PKNOX2: variants seen among roughly 807,000 people sequenced by gnomAD.
PKNOX2 encodes PBX/knotted 1 homeobox 2.
A neutral mutation model predicts 53.1 loss-of-function variants in PKNOX2; 14 were observed. That is an observed-to-expected ratio of 0.26 (90% CI 0.17 to 0.41). The LOEUF (loss-of-function observed/expected upper bound fraction) is 0.41, where lower values mean the gene tolerates loss of function less well. PKNOX2 is among the 10% of genes least tolerant of loss of function. PKNOX2 has a pLI of 1.00. For synonymous variants in PKNOX2, 257 were observed against 242.8 expected (o/e 1.06, Z -0.54); for missense variants, 496 against 602.8 (o/e 0.82, Z 1.85).
At chr11:125,429,898 C>A in intron 11 of PKNOX2, 65 bp from the exon 12 acceptor site, 1 of 1,512,330 alleles carries the variant, frequency 6.6e-7, no homozygotes, top group Non-Finnish European at 8.9e-7. Flanking sequence ...GCTTCACCCT[C>A]CCTGCCCCCA....
At chr11:125,185,713 T>G (rs1658401715) in intron 1 of PKNOX2, among the ~76,000 whole-genome samples, 2 of 152,236 alleles carry the variant, frequency 1.3e-5, no homozygotes, top group South Asian at 2.1e-4. Flanking sequence ...ATGAATAATA[T>G]TTCATTGAAT....
chr11:125,360,015 T>G (rs1200070348), intron 4 of PKNOX2, among the ~76,000 whole-genome samples: 1 of 152,100 alleles, frequency 6.6e-6, no homozygotes, highest in African/African-American at 2.4e-5. Context: ...TGAGCCACCA[T>G]GCCCGGTGTA....
intron 1 of PKNOX2, among the ~76,000 whole-genome samples, chr11:125,221,675 T>C (rs1179502678): frequency 6.6e-6 from 1 of 152,218 alleles, no homozygotes; most frequent in East Asian, 1.9e-4. Flanking sequence ...TTTATTATGC[T>C]TCACTGAGCA....
intron 1 of PKNOX2, among the ~76,000 whole-genome samples, chr11:125,202,694 C>G (rs1386553782): frequency 1.4e-5 from 2 of 144,608 alleles, no homozygotes; most frequent in Admixed American, 1.4e-4. Context: ...GGAATGTGCT[C>G]TTAGGGCTCT....
intron 2 of PKNOX2, among the ~76,000 whole-genome samples, chr11:125,268,524 G>C (rs1435580203): frequency 1.3e-5 from 2 of 152,194 alleles, no homozygotes; most frequent in Non-Finnish European, 2.9e-5. Flanking sequence ...TTAATGCTGG[G>C]GTTGGGGCAG....
intron 2 of PKNOX2, among the ~76,000 whole-genome samples, chr11:125,262,423 T>C (rs1236296440): frequency 2.0e-5 from 3 of 151,494 alleles, no homozygotes; most frequent in Non-Finnish European, 4.4e-5. Flanking sequence ...GGTGTTTGCT[T>C]AGCGTCCCGT....
At chr11:125,414,439 G>A (rs1439907088) in intron 10 of PKNOX2, among the ~76,000 whole-genome samples, 1 of 152,188 alleles carries the variant, frequency 6.6e-6, no homozygotes, top group Non-Finnish European at 1.5e-5. Flanking sequence ...GGCAAGGGGA[G>A]TGGCCACTGG....
rs1192623315 is a variant in PKNOX2, at chr11:125,262,927, A to C, written c.-130+27812A>C. On this transcript the variant is annotated intron_variant, in intron 2 of 12. Coordinates refer to ENST00000298282, the MANE Select transcript of PKNOX2 (RefSeq NM_001382323.2). ...CCGTTTCCTAGTGCTCCTTTTGTTC[A>C]GTCATCGGCGCCCCTCGCCCTCCCC... Among the ~76,000 whole-genome samples, 3 of 151,768 alleles carry C rather than the reference A, an allele frequency of 2.0e-5. No homozygotes were observed. In the East Asian group the frequency reaches 5.8e-4, roughly 29 times the overall value.
intron 2 of PKNOX2, among the ~76,000 whole-genome samples, chr11:125,307,416 G>T (rs1948535640): frequency 6.6e-6 from 1 of 152,146 alleles, no homozygotes; most frequent in Non-Finnish European, 1.5e-5. Context: ...AATTAGCCAG[G>T]TGTGGTGGTG....
intron 5 of PKNOX2, among the ~76,000 whole-genome samples, chr11:125,371,741 G>A (rs902588677): frequency 3.9e-5 from 6 of 152,108 alleles, no homozygotes; most frequent in South Asian, 2.1e-4. Flanking sequence ...AACCAGGGAC[G>A]CGGAGGTGCT....
intron 2 of PKNOX2, among the ~76,000 whole-genome samples, chr11:125,256,835 G>C (rs2135708763): frequency 6.6e-6 from 1 of 152,314 alleles, no homozygotes; most frequent in Admixed American, 6.5e-5. Context: ...GCAGGGGAGA[G>C]AGAGGCTTCT....
At chr11:125,221,293 G>T (rs1565472531) in intron 1 of PKNOX2, among the ~76,000 whole-genome samples, 1 of 152,212 alleles carries the variant, frequency 6.6e-6, no homozygotes, top group Non-Finnish European at 1.5e-5. Context: ...CCTTGGTACT[G>T]GTGGCAGTGG....
chr11:125,214,214 G>C (rs962301195), intron 1 of PKNOX2, among the ~76,000 whole-genome samples: 1 of 152,036 alleles, frequency 6.6e-6, no homozygotes, highest in Non-Finnish European at 1.5e-5. Context: ...TTGGAAGAGA[G>C]CTAGGCTGTC....
intron 11 of PKNOX2, 144 bp downstream of exon 11, chr11:125,429,232 C>T (rs1956579124): frequency 1.3e-6 from 1 of 798,248 alleles, no homozygotes; most frequent in South Asian, 1.8e-5. Context: ...CCCATTTAGG[C>T]TAGAAGCAGA....
chr11:125,428,210 C>T (rs1228674690), intron 10 of PKNOX2, among the ~76,000 whole-genome samples: 2 of 152,162 alleles, frequency 1.3e-5, no homozygotes, highest in Non-Finnish European at 2.9e-5. Flanking sequence ...CGGGCTGCAG[C>T]ATGTGGGGGA....
At chr11:125,386,991 C>T (rs560811975) in intron 6 of PKNOX2, among the ~76,000 whole-genome samples, 2 of 152,162 alleles carry the variant, frequency 1.3e-5, no homozygotes, top group African/African-American at 2.4e-5. Flanking sequence ...TGAAGGCATC[C>T]GAGAGCCCCA....
In PKNOX2 at chr11:125,169,764, G is replaced by A. The variant is rs536275703; in HGVS notation, c.-201+4988G>A. Among the ~76,000 whole-genome samples the A allele has an allele frequency of 5.9e-5, 9 of 152,250 alleles. No homozygotes were observed. In the South Asian group the frequency reaches 1.0e-3, roughly 18 times the overall value. On this transcript the variant is annotated intron_variant, in intron 1 of 12. Coordinates refer to ENST00000298282, the MANE Select transcript of PKNOX2 (RefSeq NM_001382323.2). ...ATTCTTCGGTGTGTTTTCTTTCCTCGCCTGGCTCCAGGGCCTTCCCCACAA... is the reference window on the plus strand; with the variant it reads ...ATTCTTCGGTGTGTTTTCTTTCCTCACCTGGCTCCAGGGCCTTCCCCACAA...
At chr11:125,413,651 C>T (rs1476667860) in intron 10 of PKNOX2, among the ~76,000 whole-genome samples, 1 of 152,188 alleles carries the variant, frequency 6.6e-6, no homozygotes, top group Admixed American at 6.5e-5. Context: ...GTCAGTGTTA[C>T]CTTTTACCCG....
chr11:125,261,897 A>T (rs1944876251), intron 2 of PKNOX2, among the ~76,000 whole-genome samples: 1 of 152,244 alleles, frequency 6.6e-6, no homozygotes, highest in African/African-American at 2.4e-5. Context: ...TACAGAGTGT[A>T]ATGGTGTTGG....
Sources: gnomAD v4.1 joint callset for allele counts (sites outside exome capture counted in the v4.1 genomes callset) on GRCh38, gnomAD v4.1.1 for gene constraint, MANE v1.5 for transcripts, NCBI Gene and HGNC (gene_info 2026-07-23, HGNC 2026-07-21) for gene names.